Variants in EXOC4 observed in about 807,000 individuals in gnomAD.
The protein encoded by EXOC4 is exocyst complex component 4.
A neutral mutation model predicts 107.2 loss-of-function variants in EXOC4; 71 were observed. The observed-to-expected ratio is 0.66, with a 90% CI of 0.55 to 0.81. The LOEUF is 0.81. Ranked by LOEUF, EXOC4 falls within the 30% of genes least tolerant of loss-of-function variation. EXOC4 has a pLI of 0.00. For missense variants in EXOC4, 1,108 were observed against 1,189.6 expected, an observed-to-expected ratio of 0.93 and a Z score of 1.01; for synonymous variants, 456 against 441.2, an observed-to-expected ratio of 1.03 and a Z score of -0.42.
chr7:133,653,740 C>T (rs1803219754), intron 10 of EXOC4, among the ~76,000 whole-genome samples: 1 of 152,172 alleles, frequency 6.6e-6, no homozygotes, highest in Non-Finnish European at 1.5e-5. Context: ...TGAGTTGTCA[C>T]TCTCTAAACA....
At chr7:133,767,650 T>C (rs1796166404) in intron 10 of EXOC4, among the ~76,000 whole-genome samples, 1 of 151,960 alleles carries the variant, frequency 6.6e-6, no homozygotes, top group African/African-American at 2.4e-5. Context: ...TGAAAACATA[T>C]GAAACTTATG....
chr7:133,947,862 C>T (rs1176793545), intron 14 of EXOC4, among the ~76,000 whole-genome samples: 1 of 152,070 alleles, frequency 6.6e-6, no homozygotes, highest in Non-Finnish European at 1.5e-5. Flanking sequence ...TGGAAGCTGC[C>T]AGCTGAATGA....
At chr7:133,873,616 A>C (rs1798792305) in intron 11 of EXOC4, among the ~76,000 whole-genome samples, 1 of 152,220 alleles carries the variant, frequency 6.6e-6, no homozygotes, top group Non-Finnish European at 1.5e-5. Flanking sequence ...TTATGAAAAC[A>C]GTGGTAATAT....
chr7:133,812,893 C>G (rs1351737803), intron 10 of EXOC4, among the ~76,000 whole-genome samples: 1 of 152,114 alleles, frequency 6.6e-6, no homozygotes, highest in Non-Finnish European at 1.5e-5. Context: ...ATCTCCTCCC[C>G]TCCCCCATCC....
At chr7:133,450,582 T>A (rs1226616471) in intron 7 of EXOC4, among the ~76,000 whole-genome samples, 2 of 152,206 alleles carry the variant, frequency 1.3e-5, no homozygotes, top group Non-Finnish European at 2.9e-5. Flanking sequence ...GAAGACTGCC[T>A]TTTAGCCTAT....
downstream of EXOC4, among the ~76,000 whole-genome samples, chr7:134,070,002 C>T (rs1050851320): frequency 1.3e-5 from 2 of 152,216 alleles, no homozygotes; most frequent in Non-Finnish European, 2.9e-5. Flanking sequence ...GGGGCTGTCC[C>T]TCTAGCAGGA....
intron 6 of EXOC4, among the ~76,000 whole-genome samples, chr7:133,363,004 C>T (rs573776139): frequency 6.6e-6 from 1 of 152,228 alleles, no homozygotes; most frequent in Non-Finnish European, 1.5e-5. Context: ...CCTGGACATG[C>T]TTGGAATCAG....
chr7:133,476,499 G>A lies in EXOC4; in HGVS notation c.1328+1026G>A, dbSNP rs189098368. On this transcript the variant is annotated intron_variant, in intron 8 of 17. Transcript: ENST00000253861. ...TGAATTTATTCTTTTTCAGCAGTTG[G>A]AGATCTAATATCTTCTGTTGATTCA... is the stretch of plus-strand genomic sequence containing the variant. Among the ~76,000 whole-genome samples the A allele has an allele frequency of 4.8e-3, 733 of 152,204 alleles. 5 individuals carry two copies. Among genetic ancestry groups the A allele is most frequent in the South Asian group, 0.011 (55 of 4,814 alleles).
At chr7:133,821,540 AT>A in intron 11 of EXOC4, among the ~76,000 whole-genome samples, 2 of 152,294 alleles carry the variant, frequency 1.3e-5, no homozygotes, top group Non-Finnish European at 2.9e-5. Context: ...ATTGGGCCTC[AT>A]GTTTTGTATA....
At chr7:134,013,396 G>C (rs765445797) in intron 17 of EXOC4, among the ~76,000 whole-genome samples, 2 of 152,174 alleles carry the variant, frequency 1.3e-5, no homozygotes, top group South Asian at 4.2e-4. Context: ...TCAAAAACAA[G>C]GAAAGTCTGA....
At chr7:133,318,424 A>T (rs1034946656) in intron 5 of EXOC4, among the ~76,000 whole-genome samples, 1 of 152,104 alleles carries the variant, frequency 6.6e-6, no homozygotes, top group Non-Finnish European at 1.5e-5. Context: ...TGCTTTTGTA[A>T]CTGGGTTGGG....
At chr7:133,408,427 ATGG>A (rs769016895) in intron 7 of EXOC4, among the ~76,000 whole-genome samples, 28 of 149,782 alleles carry the variant, frequency 1.9e-4, no homozygotes, top group Non-Finnish European at 2.4e-4. Flanking sequence ...GAGGTTGGTG[ATGG>A]TGGAGTGGGA....
intron 14 of EXOC4, among the ~76,000 whole-genome samples, chr7:133,965,916 A>C (rs1375975252): frequency 2.0e-5 from 3 of 152,222 alleles, no homozygotes; most frequent in Non-Finnish European, 1.5e-5. Flanking sequence ...TACTTTGGGC[A>C]GTATGGCCAT....
intron 10 of EXOC4, among the ~76,000 whole-genome samples, chr7:133,690,224 C>T (rs1024655713): frequency 2.0e-5 from 3 of 152,122 alleles, no homozygotes; most frequent in Admixed American, 6.5e-5. Context: ...AAACCAATAG[C>T]CTCCTGTAAA....
At chr7:133,648,424 G>A (rs912430424) in intron 10 of EXOC4, among the ~76,000 whole-genome samples, 2 of 152,138 alleles carry the variant, frequency 1.3e-5, no homozygotes, top group African/African-American at 4.8e-5. Context: ...TTCTGCCTTT[G>A]TAGAATCATC....
chr7:133,680,586 A>ACC, intron 10 of EXOC4, among the ~76,000 whole-genome samples: 1 of 152,162 alleles, frequency 6.6e-6, no homozygotes, highest in South Asian at 2.1e-4. Context: ...AGAACTCTCC[A>ACC]CCCCCATCTT....
chr7:133,453,819 C>G (rs1042950727), intron 7 of EXOC4, among the ~76,000 whole-genome samples: 1 of 152,006 alleles, frequency 6.6e-6, no homozygotes, highest in African/African-American at 2.4e-5. Flanking sequence ...TTACACAGTT[C>G]AGAATTATAT....
At chr7:133,793,117 G>T (rs1168504775) in intron 10 of EXOC4, among the ~76,000 whole-genome samples, 1 of 152,098 alleles carries the variant, frequency 6.6e-6, no homozygotes, top group Non-Finnish European at 1.5e-5. Flanking sequence ...TATCCAATTA[G>T]CAAATTAAGA....
intron 11 of EXOC4, among the ~76,000 whole-genome samples, chr7:133,856,176 G>A (rs964511833): frequency 1.5e-4 from 23 of 152,222 alleles, no homozygotes; most frequent in African/African-American, 5.5e-4. Context: ...CCTTTCACAG[G>A]AAGCCTAACT....
Sources: allele counts gnomAD v4.1 joint callset (sites outside exome capture counted in the v4.1 genomes callset), GRCh38; gene constraint gnomAD v4.1.1; transcripts MANE v1.5; gene names NCBI Gene and HGNC (gene_info 2026-07-23, HGNC 2026-07-21).